TMEM117: variants seen among roughly 807,000 people sequenced by gnomAD.
The protein encoded by TMEM117 is transmembrane protein 117.
TMEM117 carries 27 observed loss-of-function variants against 52.4 expected under a neutral mutation model. The ratio of observed to expected loss-of-function variants is 0.51; its 90% CI spans 0.38 to 0.71. TMEM117 has a LOEUF of 0.71. Ranked by LOEUF, TMEM117 falls within the 30% of genes least tolerant of loss-of-function variation. The probability of loss-of-function intolerance (pLI) is 0.00; values close to 1 mark genes in which losing one functional copy is unlikely to be tolerated. For synonymous variants in TMEM117, 215 were observed against 206.3 expected (o/e 1.04, Z -0.36); for missense variants, 556 against 630.5 (o/e 0.88, Z 1.26).
chr12:44,260,524 C>G (rs1378979006), intron 5 of TMEM117, among the ~76,000 whole-genome samples: 8 of 152,074 alleles, frequency 5.3e-5, no homozygotes, highest in Admixed American at 5.2e-4. Context: ...TTGGTAATAT[C>G]TATTATTAAC....
the TMEM117 span, among the ~76,000 whole-genome samples, chr12:43,830,854 A>T: frequency 1.3e-5 from 2 of 152,312 alleles, no homozygotes; most frequent in Admixed American, 6.5e-5. Flanking sequence ...TCCCTCTAAG[A>T]CATGCAAAGC....
chr12:44,027,760 C>A (rs1946565759), intron 3 of TMEM117, among the ~76,000 whole-genome samples: 1 of 152,116 alleles, frequency 6.6e-6, no homozygotes, highest in Non-Finnish European at 1.5e-5. Flanking sequence ...GTTAGGATAC[C>A]TTACAAGTAG....
intron 5 of TMEM117, among the ~76,000 whole-genome samples, chr12:44,268,202 A>G (rs1443907797): frequency 1.3e-5 from 2 of 151,356 alleles, no homozygotes; most frequent in Admixed American, 6.6e-5. Flanking sequence ...CAATGACGTG[A>G]TCTCGGCTCA....
At chr12:44,105,822 C>T (rs762982534) in intron 3 of TMEM117, among the ~76,000 whole-genome samples, 3 of 151,926 alleles carry the variant, frequency 2.0e-5, no homozygotes, top group East Asian at 1.9e-4. Context: ...GGGCAGGTCT[C>T]GTGAAGAGCA....
intron 5 of TMEM117, among the ~76,000 whole-genome samples, chr12:44,261,132 T>A (rs1328501587): frequency 6.6e-6 from 1 of 151,994 alleles, no homozygotes; most frequent in African/African-American, 2.4e-5. Flanking sequence ...TTTAAAAAAA[T>A]CAATTAAAAA....
intron 3 of TMEM117, among the ~76,000 whole-genome samples, chr12:44,079,076 G>A (rs1247998041): frequency 6.6e-6 from 1 of 152,072 alleles, no homozygotes; most frequent in African/African-American, 2.4e-5. Flanking sequence ...GTATCCCATG[G>A]TGTATATGTG....
At chr12:44,104,006 T>C (rs1486155687) in intron 3 of TMEM117, among the ~76,000 whole-genome samples, 1 of 151,966 alleles carries the variant, frequency 6.6e-6, no homozygotes, top group Non-Finnish European at 1.5e-5. Flanking sequence ...AACTTTACAG[T>C]ATAAACTCTA....
chr12:43,964,315 G>A (rs866935053), intron 3 of TMEM117, among the ~76,000 whole-genome samples: 2 of 152,102 alleles, frequency 1.3e-5, no homozygotes, highest in East Asian at 3.9e-4. Context: ...GGGCCTGGGA[G>A]GGGGAGAACC....
At chr12:44,339,089 A>G (rs1951381686) in intron 6 of TMEM117, among the ~76,000 whole-genome samples, 1 of 152,010 alleles carries the variant, frequency 6.6e-6, no homozygotes, top group East Asian at 1.9e-4. Context: ...GCTTCTCAAC[A>G]CCTACAAAAC....
At chr12:44,100,205 A>G (rs1435915193) in intron 3 of TMEM117, among the ~76,000 whole-genome samples, 1 of 151,994 alleles carries the variant, frequency 6.6e-6, no homozygotes, top group Admixed American at 6.6e-5. Context: ...GGGTTATTTT[A>G]TGCCCCATAA....
chr12:44,044,248 T>G (rs1180465854), intron 3 of TMEM117, among the ~76,000 whole-genome samples: 2 of 152,192 alleles, frequency 1.3e-5, no homozygotes, highest in African/African-American at 4.8e-5. Context: ...GTTTGGAGCC[T>G]TTGGCAGGCC....
intron 6 of TMEM117, among the ~76,000 whole-genome samples, chr12:44,361,601 A>T (rs769190154): frequency 6.6e-6 from 1 of 152,170 alleles, no homozygotes; most frequent in Non-Finnish European, 1.5e-5. Context: ...AATGGTTTTT[A>T]CTTCCCACCG....
intron 5 of TMEM117, among the ~76,000 whole-genome samples, chr12:44,274,277 A>T (rs1314217326): frequency 6.6e-6 from 1 of 152,160 alleles, no homozygotes; most frequent in Admixed American, 6.6e-5. Context: ...AATGAAAACT[A>T]TAAAACACTA....
In TMEM117 at chr12:43,877,307, C is replaced by A. The variant is rs531028908; in HGVS notation, c.277+32379C>A. Among the ~76,000 whole-genome samples, 27 of 152,148 alleles carry A rather than the reference C, an allele frequency of 1.8e-4. No homozygotes were observed. In the South Asian group the frequency reaches 5.6e-3, roughly 32 times the overall value. On this transcript the variant is annotated intron_variant, in intron 2 of 7. Coordinates refer to ENST00000266534, the MANE Select transcript of TMEM117 (RefSeq NM_032256.3). ...TTTGAAAAGAAGCTATAATCTTTGACCCACTAATTGAGAGAATCTATCTCA... is the reference window on the plus strand; with the variant it reads ...TTTGAAAAGAAGCTATAATCTTTGAACCACTAATTGAGAGAATCTATCTCA...
At chr12:44,387,326 T>C (rs1488528999) in intron 7 of TMEM117, among the ~76,000 whole-genome samples, 1 of 151,852 alleles carries the variant, frequency 6.6e-6, no homozygotes, top group Non-Finnish European at 1.5e-5. Context: ...AAATATTGTA[T>C]TTATATAAGA....
intron 4 of TMEM117, among the ~76,000 whole-genome samples, chr12:44,165,522 A>G (rs1948954377): frequency 6.6e-6 from 1 of 152,194 alleles, no homozygotes; most frequent in Non-Finnish European, 1.5e-5. Context: ...CTGAAAGTGA[A>G]ATGATGGAAA....
intron 2 of TMEM117, among the ~76,000 whole-genome samples, chr12:43,884,837 G>A (rs184547625): frequency 1.3e-5 from 2 of 152,206 alleles, no homozygotes; most frequent in Non-Finnish European, 2.9e-5. Flanking sequence ...CTACAAGTTA[G>A]CACACTGCAT....
At chr12:44,204,663 A>C (rs1264821726) in intron 4 of TMEM117, among the ~76,000 whole-genome samples, 1 of 152,128 alleles carries the variant, frequency 6.6e-6, no homozygotes, top group Non-Finnish European at 1.5e-5. Flanking sequence ...CTACACTACA[A>C]ATCTACTGTA....
Position 43,951,816 on chromosome 12 carries a change from G to A in TMEM117, c.410+7474G>A, listed in dbSNP as rs190899632. ...AGGGACAGACTGCCTCCTCAAGAGGGTCCCTGACCCCATGCCTCCTATCTG... is the reference window on the plus strand; with the variant it reads ...AGGGACAGACTGCCTCCTCAAGAGGATCCCTGACCCCATGCCTCCTATCTG... On this transcript the variant is annotated intron_variant, in intron 3 of 7. Coordinates refer to ENST00000266534, the MANE Select transcript of TMEM117 (RefSeq NM_032256.3). Among the ~76,000 whole-genome samples the A allele has an allele frequency of 2.8e-3, 422 of 152,268 alleles. 2 individuals carry two copies. The highest frequency in any genetic ancestry group is 5.2e-3 in the Non-Finnish European group (354 of 68,028).
Sources: gnomAD v4.1 joint callset for allele counts (sites outside exome capture counted in the v4.1 genomes callset) on GRCh38, gnomAD v4.1.1 for gene constraint, MANE v1.5 for transcripts, NCBI Gene and HGNC (gene_info 2026-07-23, HGNC 2026-07-21) for gene names.